Variants in TPP2 observed in about 807,000 individuals in gnomAD.
TPP2 encodes tripeptidyl-peptidase 2.
A neutral mutation model predicts 155.9 loss-of-function variants in TPP2; 34 were observed. The ratio of observed to expected loss-of-function variants is 0.22; its 90% CI spans 0.17 to 0.29. The LOEUF is 0.29. TPP2 is among the 10% of genes least tolerant of loss of function. TPP2 has a pLI of 1.00. For synonymous variants in TPP2, 510 were observed against 529.4 expected (o/e 0.96, Z 0.50); for missense variants, 1,028 against 1,522.3 (o/e 0.68, Z 5.40).
chr13:102,629,194 A>G (rs146883281), intron 8 of TPP2, among the ~76,000 whole-genome samples: 4 of 152,306 alleles, frequency 2.6e-5, no homozygotes, highest in African/African-American at 9.6e-5. Context: ...ATGGAAATAG[A>G]ACCACCTATT....
chr13:102,645,517 C>T (rs1342591004), intron 19 of TPP2, among the ~76,000 whole-genome samples: 2 of 152,262 alleles, frequency 1.3e-5, no homozygotes, highest in Middle Eastern at 3.4e-3. Context: ...CTTAACTCAT[C>T]GGCATGAAGC....
intron 11 of TPP2, 121 bp from the exon 12 acceptor site, chr13:102,635,466 A>G (rs1334776445): frequency 3.2e-6 from 2 of 625,854 alleles, no homozygotes; most frequent in African/African-American, 1.9e-5. Context: ...AGATTTTAAA[A>G]TGAGTGTTAG....
In TPP2 at chr13:102,637,145, A is replaced by G. The variant is rs199675473; in HGVS notation, c.1742A>G (p.Gln581Arg). 84 of 1,612,978 alleles carry G rather than the reference A, an allele frequency of 5.2e-5. No individual in the cohort carries two copies. The highest frequency in any genetic ancestry group is 6.8e-5 in the Non-Finnish European group (80 of 1,179,814). Reference protein sequence around the residue: ...LALTSNSSWVQCPSHLELMNQ... With the variant: ...LALTSNSSWVRCPSHLELMNQ... ...CTGACTTCAAATTCATCTTGGGTTC[A>G]GTGTCCCAGCCATTTGGAACTCATG... Residue 581 changes from glutamine to arginine, a missense_variant, in exon 14 of 30, where the codon CAG (glutamine) becomes CGG (arginine). By Grantham distance (43) the Gln-to-Arg change is conservative (BLOSUM62 1). This residue lies in a region of TPP2 where 325 missense variants were observed against 463.7 expected (regional missense o/e 0.70). Transcript: ENST00000376052.
At chr13:102,606,760 A>G (rs1879863559) in intron 2 of TPP2, among the ~76,000 whole-genome samples, 1 of 152,108 alleles carries the variant, frequency 6.6e-6, no homozygotes, top group African/African-American at 2.4e-5. Flanking sequence ...CACTTAGGGG[A>G]GGGACGTGGG....
At chr13:102,626,646 A>C (rs1294565467) in intron 6 of TPP2, among the ~76,000 whole-genome samples, 1 of 152,236 alleles carries the variant, frequency 6.6e-6, no homozygotes, top group East Asian at 1.9e-4. Context: ...AAAGGTACGT[A>C]GAAGCATCTT....
At chr13:102,602,784 G>A (rs1879525237) in intron 1 of TPP2, among the ~76,000 whole-genome samples, 3 of 152,216 alleles carry the variant, frequency 2.0e-5, no homozygotes, top group Non-Finnish European at 2.9e-5. Flanking sequence ...AAGCTTTGTC[G>A]TAAAGAGTGT....
chr13:102,613,441 C>T (rs1880467428), intron 2 of TPP2, among the ~76,000 whole-genome samples: 1 of 152,158 alleles, frequency 6.6e-6, no homozygotes, highest in African/African-American at 2.4e-5. Context: ...AATATGAATA[C>T]TCTACATTTT....
intron 1 of TPP2, among the ~76,000 whole-genome samples, chr13:102,597,978 CTT>C (rs113327947): frequency 6.8e-6 from 1 of 146,066 alleles, no homozygotes. Flanking sequence ...AAATATGCGA[CTT>C]TTTTTTTTTT....
intron 27 of TPP2, among the ~76,000 whole-genome samples, chr13:102,668,237 G>C (rs1351727449): frequency 6.6e-6 from 1 of 152,148 alleles, no homozygotes; most frequent in South Asian, 2.1e-4. Flanking sequence ...GAATTTGGCT[G>C]CCTTCAGCCA....
intron 23 of TPP2, among the ~76,000 whole-genome samples, chr13:102,650,525 A>G (rs1255142532): frequency 1.3e-5 from 2 of 152,146 alleles, no homozygotes; most frequent in Non-Finnish European, 2.9e-5. Context: ...ATCAATAGTT[A>G]ATGGTTTGTA....
At chr13:102,668,813 G>C in intron 27 of TPP2, among the ~76,000 whole-genome samples, 1 of 152,224 alleles carries the variant, frequency 6.6e-6, no homozygotes, top group Middle Eastern at 3.2e-3. Flanking sequence ...GGAGTGAATG[G>C]TGTCTATGTC....
chr13:102,675,398 A>G (rs1440170677), intron 28 of TPP2, among the ~76,000 whole-genome samples: 3 of 152,206 alleles, frequency 2.0e-5, no homozygotes, highest in Non-Finnish European at 4.4e-5. Context: ...ACTTTTATGT[A>G]TGACCTTAGG....
chr13:102,649,027 A>G lies in TPP2; in HGVS notation c.2749A>G (p.Thr917Ala), dbSNP rs745854631. The change falls in exon 22 of 30, where the codon ACC becomes GCC. Residue 917 changes from threonine to alanine, a missense_variant. Around this residue, in one of 7 missense-constraint regions of TPP2, gnomAD observed 179 missense variants for 274.7 expected, o/e 0.65. Coordinates refer to ENST00000376052, the MANE Select transcript of TPP2 (RefSeq NM_001330588.2). ...TATTGTTTCTCATAGATTGTCTAAT[A>G]CCTTGAGCTTAGATATTCATGAAAA... Reference protein sequence around the residue: ...PFIVSHRLSNTLSLDIHENHS... With the variant: ...PFIVSHRLSNALSLDIHENHS... 9 of 1,613,812 alleles carry G rather than the reference A, an allele frequency of 5.6e-6. No homozygotes were observed. Among genetic ancestry groups the G allele is most frequent in the Non-Finnish European group, 7.6e-6 (9 of 1,179,952 alleles).
At chr13:102,661,706 C>T (rs117530532) in intron 25 of TPP2, among the ~76,000 whole-genome samples, 938 of 152,178 alleles carry the variant, frequency 6.2e-3, no homozygotes, top group Non-Finnish European at 0.01. Context: ...CAGGGAAATG[C>T]ACATCAAAAT....
chr13:102,663,143 A>T (rs377041018), intron 25 of TPP2, among the ~76,000 whole-genome samples: 20 of 94,806 alleles, frequency 2.1e-4, no homozygotes, highest in South Asian at 8.9e-4. Flanking sequence ...TTTTTTAATT[A>T]ATTAATTAAT....
intron 2 of TPP2, among the ~76,000 whole-genome samples, chr13:102,610,113 A>G (rs1227164751): frequency 2.0e-5 from 3 of 152,224 alleles, no homozygotes; most frequent in African/African-American, 7.2e-5. Flanking sequence ...ATTATTAATC[A>G]CTGGGATTCT....
chr13:102,614,995 T>C (rs1240468983), intron 3 of TPP2, among the ~76,000 whole-genome samples: 18 of 152,132 alleles, frequency 1.2e-4, no homozygotes, highest in Admixed American at 1.2e-3. Context: ...CTAATACAAG[T>C]CCAGGGTTGC....
rs866989840 is a variant in TPP2, at chr13:102,635,975, A to G, written c.1510-249A>G. Among the ~76,000 whole-genome samples the G allele has an allele frequency of 2.0e-4, 30 of 152,332 alleles. No individual in the cohort carries two copies. The South Asian group carries it at 3.9e-3, about 20-fold the overall frequency. Reference sequence around the variant, plus strand: ...TCAAAAACTGGCCAATCATAACGGCATAGGGATTAGTTCCTAAATTTGGTC... The same window carrying G: ...TCAAAAACTGGCCAATCATAACGGCGTAGGGATTAGTTCCTAAATTTGGTC... On this transcript the variant is annotated intron_variant, in intron 12 of 29. Transcript: ENST00000376052.
intron 24 of TPP2, among the ~76,000 whole-genome samples, chr13:102,655,876 C>T (rs1013240283): frequency 1.4e-4 from 22 of 152,060 alleles, no homozygotes; most frequent in Non-Finnish European, 2.5e-4. Context: ...TCAAGGCTTC[C>T]GTGATCCCAG....
Sources: gnomAD v4.1 joint callset for allele counts (sites outside exome capture counted in the v4.1 genomes callset) on GRCh38, gnomAD v4.1.1 for gene constraint, gnomAD v4.1.1 regional missense constraint, MANE v1.5 for transcripts, NCBI Gene and HGNC (gene_info 2026-07-23, HGNC 2026-07-21) for gene names.